The following KIF21B variants were observed in gnomAD, a reference collection of about 807,000 sequenced individuals.
KIF21B encodes kinesin-like protein KIF21B.
KIF21B carries 85 observed loss-of-function variants against 192.9 expected under a neutral mutation model. The ratio of observed to expected loss-of-function variants is 0.44; its 90% CI spans 0.37 to 0.53. The LOEUF (loss-of-function observed/expected upper bound fraction) is 0.53, where lower values mean the gene tolerates loss of function less well. Among genes scored for constraint, KIF21B ranks in the 20% least tolerant of loss-of-function variants. The pLI is 0.00. For synonymous variants in KIF21B, 832 were observed against 884.6 expected (o/e 0.94, Z 1.05); for missense variants, 1,716 against 2,194.8 (o/e 0.78, Z 4.36).
intron 3 of KIF21B, 30 bp from the exon 4 acceptor site, chr1:201,005,724 AG>A: frequency 6.2e-7 from 1 of 1,607,644 alleles, no homozygotes; most frequent in African/African-American, 1.3e-5. Context: ...CTGAATTCAT[AG>A]GGCATTCACT....
rs777129651 is a variant in KIF21B at position 200,998,472 on chromosome 1, G to C, written c.1989C>G (p.Leu663=). 18 of 1,613,936 alleles carry C rather than the reference G, an allele frequency of 1.1e-5. No individual in the cohort carries two copies. Among genetic ancestry groups the C allele is most frequent in the African/African-American group, 1.1e-4 (8 of 74,898 alleles). ...LENSQRRLQT[L]KHQYEEKLIL... ...TCAGCTTTTCCTCATACTGGTGCTT[G>C]AGCGTCTGCAACCGCCGCTGGCTGT... is the stretch of plus-strand genomic sequence containing the variant. The change falls in exon 14 of 35, where the codon CTC becomes CTG. Residue 663 remains leucine, a synonymous_variant. Transcript: ENST00000461742. This position sits in a 1 kb window ranked among gnomAD's most constrained non-coding sequence, Gnocchi z 4.3.
rs1655212697 is a variant in KIF21B, at chr1:200,971,530, G to A, written c.*1991C>T. 6.6e-6 allele frequency: 1 copy of A among 152,478 alleles called. No individual in the cohort carries two copies. Among genetic ancestry groups the A allele is most frequent in the Non-Finnish European group, 1.5e-5 (1 of 68,114 alleles). 9.4% of individuals were successfully genotyped at this position (152,478 alleles called of 1,614,324 possible). A position where few individuals can be genotyped will look rare whatever the true frequency, so the allele number is the denominator to read the frequency against. The stretch of plus-strand genomic sequence containing the variant: ...ACGGATTCTTTCTTACAGGTTGCAA[G>A]GTCAAAACTTTCTGTTCAGGTTGGC... On this transcript the variant is annotated 3_prime_UTR_variant, in exon 35 of 35. Coordinates refer to ENST00000461742, the MANE Select transcript of KIF21B (RefSeq NM_001252102.2).
At position 200,998,303 on chromosome 1, in the gene KIF21B, C is replaced by T; in HGVS notation, c.2077+81G>A. On this transcript the variant is annotated intron_variant, in intron 14 of 34. Coordinates refer to ENST00000461742, the MANE Select transcript of KIF21B (RefSeq NM_001252102.2). This position sits in a 1 kb window ranked among gnomAD's most constrained non-coding sequence, Gnocchi z 4.3. Reference sequence around the variant, plus strand: ...CTAGAAGGCCAGGATAACCCCAACACACCAGCTGCTTTTGACAGAGGAGGG... The same window carrying T: ...CTAGAAGGCCAGGATAACCCCAACATACCAGCTGCTTTTGACAGAGGAGGG... 1.4e-6 allele frequency: 2 copies of T among 1,402,502 alleles called. No individual in the cohort carries two copies. Among genetic ancestry groups the T allele is most frequent in the South Asian group, 1.3e-5 (1 of 78,700 alleles). 86.9% of individuals were successfully genotyped at this position (1,402,502 alleles called of 1,614,324 possible). A position where few individuals can be genotyped will look rare whatever the true frequency, so the allele number is the denominator to read the frequency against.
At position 200,999,921 on chromosome 1, in the gene KIF21B, C is replaced by T. The variant is rs1657364099; in HGVS notation, c.1729G>A (p.Glu577Lys). The T allele has an allele frequency of 1.9e-6, 3 of 1,614,046 alleles. No individual in the cohort carries two copies. Among genetic ancestry groups the T allele is most frequent in the East Asian group, 4.5e-5 (2 of 44,876 alleles). ...AFKKRAKLQQ[E>K]NSEETDENEA... Reference sequence around the variant, plus strand: ...TTCTCATCCGTCTCCTCGCTGTTCTCCTGTTGGAGTTTTGCCCTCTTTTTG... The same window carrying T: ...TTCTCATCCGTCTCCTCGCTGTTCTTCTGTTGGAGTTTTGCCCTCTTTTTG... The change falls in exon 12 of 35, where the codon GAG (glutamate) becomes AAG (lysine). Residue 577 changes from glutamate to lysine, a missense_variant. Glu to Lys is a moderately conservative substitution (Grantham distance 56). This residue lies in a region of KIF21B where 1,087 missense variants were observed against 1,316.6 expected (regional missense o/e 0.83). Transcript: ENST00000461742. The surrounding 1 kb of genome is among the most constrained non-coding windows in gnomAD (Gnocchi z 4.7).
In KIF21B at chr1:201,000,736, G is replaced by A. The variant is rs1657439399; in HGVS notation, c.1447C>T (p.Arg483Trp). 1.9e-6 allele frequency: 3 copies of A among 1,614,108 alleles called. No individual in the cohort carries two copies. Among genetic ancestry groups the A allele is most frequent in the Admixed American group, 1.7e-5 (1 of 60,016 alleles). Residue 483 changes from arginine to tryptophan, a missense_variant, in exon 10 of 35, where the codon CGG becomes TGG. By Grantham distance (101) the Arg-to-Trp change is moderately radical (BLOSUM62 -3). Around this residue, in one of 3 missense-constraint regions of KIF21B, gnomAD observed 1,087 missense variants for 1,316.6 expected, o/e 0.83. Coordinates refer to ENST00000461742, the MANE Select transcript of KIF21B (RefSeq NM_001252102.2). This position sits in a 1 kb window ranked among gnomAD's most constrained non-coding sequence, Gnocchi z 6.0. ...AIGALIQNYI[R>W]EIEELRTKLL... is the part of the protein sequence containing the mutation. ...ACTCACCGTAGCTCCTCGATCTCCCGGATGTAGTTCTGGATCAGCGCACCA... is the reference window on the plus strand; with the variant it reads ...ACTCACCGTAGCTCCTCGATCTCCCAGATGTAGTTCTGGATCAGCGCACCA...
intron 1 of KIF21B, among the ~76,000 whole-genome samples, chr1:201,014,870 C>T (rs1035594884): frequency 1.3e-5 from 2 of 152,238 alleles, no homozygotes; most frequent in African/African-American, 4.8e-5. Context: ...AAACAGCTAA[C>T]CAGAATCCAA....
Position 201,003,691 on chromosome 1 carries a change from G to A in KIF21B, c.1107C>T (p.Asn369=). ...GGTTCACTACCACCTTGTTCTTGAT[G>A]TTGCGGGCCCGATTGGCATATTTGA... ...NTLKYANRAR[N]IKNKVVVNQD... is the part of the protein sequence containing the mutation. Residue 369 remains asparagine (N), a synonymous_variant, in exon 8 of 35, where the codon AAC becomes AAT. Transcript: ENST00000461742. The A allele has an allele frequency of 6.2e-7, 1 of 1,614,210 alleles. No homozygotes were observed. Among genetic ancestry groups the A allele is most frequent in the Non-Finnish European group, 8.5e-7 (1 of 1,180,032 alleles).
intron 3 of KIF21B, among the ~76,000 whole-genome samples, chr1:201,008,177 C>A (rs1658022660): frequency 6.6e-6 from 1 of 152,190 alleles, no homozygotes; most frequent in Non-Finnish European, 1.5e-5. Flanking sequence ...AGCACAGAGA[C>A]CCCCTGCTCC....
chr1:200,993,422 A>C (rs1052427475), intron 15 of KIF21B, among the ~76,000 whole-genome samples: 4 of 152,160 alleles, frequency 2.6e-5, no homozygotes, highest in Admixed American at 2.6e-4. Flanking sequence ...GAATGTCATC[A>C]ACCTGTCCTG....
chr1:201,005,007 T>C, intron 5 of KIF21B, 74 bp from the exon 6 acceptor site: 8 of 1,508,448 alleles, frequency 5.3e-6, no homozygotes, highest in African/African-American at 1.4e-5. Flanking sequence ...AGTACTGCCA[T>C]CCGGGAGAGG....
Position 201,000,684 on chromosome 1 carries a change from C to A in KIF21B, c.1466+33G>T. 1 of 1,613,930 alleles carries A rather than the reference C, an allele frequency of 6.2e-7. No individual in the cohort carries two copies. Among genetic ancestry groups the A allele is most frequent in the South Asian group, 1.1e-5 (1 of 91,084 alleles). ...GGCGTCACCTGGCCGAGGCCCCCAG[C>A]CCGCGCACACCTGCCGGAGCTCACT... On this transcript the variant is annotated intron_variant, in intron 10 of 34. Coordinates refer to ENST00000461742, the MANE Select transcript of KIF21B (RefSeq NM_001252102.2). The surrounding 1 kb of genome is among the most constrained non-coding windows in gnomAD (Gnocchi z 6.0).
chr1:201,003,631 C>CCGCAGTG lies in KIF21B; in HGVS notation c.1160_1166dup (p.Ala390ThrfsTer4). On this transcript the variant is annotated frameshift_variant, in exon 8 of 35. Coordinates refer to ENST00000461742, the MANE Select transcript of KIF21B (RefSeq NM_001252102.2). LOFTEE classifies it high-confidence loss of function. ...CCATCTGCAGCCGAGCAATCTCAGCCCGCAGTGCACTGATTTGCTGGCTGG... is the reference window on the plus strand; with the variant it reads ...CCATCTGCAGCCGAGCAATCTCAGCCCGCAGTGCGCAGTGCACTGATTTGCTGGCTGG... 6.2e-7 allele frequency: 1 copy of CCGCAGTG among 1,614,184 alleles called. No homozygotes were observed. Among genetic ancestry groups the CCGCAGTG allele is most frequent in the Non-Finnish European group, 8.5e-7 (1 of 1,180,042 alleles).
rs544069907 is a variant in KIF21B, at chr1:200,981,071, C to G, written c.3868G>C (p.Ala1290Pro). ...LRGIISPVGG[A>P]KGARTAPLQC... ...AGTGGGGCCGTCCGTGCACCCTTGG[C>G]TCCTCCAACCGGGGAGATGATGCCC... The change falls in exon 29 of 35, where the codon GCC (alanine) becomes CCC (proline). Residue 1290 changes from alanine to proline, a missense_variant. Ala to Pro is a conservative substitution (Grantham distance 27). Transcript: ENST00000461742. 3 of 1,597,272 alleles carry G rather than the reference C, an allele frequency of 1.9e-6. No homozygotes were observed. Among genetic ancestry groups the G allele is most frequent in the African/African-American group, 2.7e-5 (2 of 74,052 alleles).
intron 3 of KIF21B, among the ~76,000 whole-genome samples, chr1:201,006,750 T>C (rs906507925): frequency 2.0e-5 from 3 of 152,000 alleles, no homozygotes; most frequent in Non-Finnish European, 2.9e-5. Context: ...GAGAAGCTTA[T>C]TGAGATCACA....
rs1251525474 is a variant in KIF21B, at chr1:200,992,389, C to T, written c.2278G>A (p.Val760Met). 1 of 1,612,522 alleles carries T rather than the reference C, an allele frequency of 6.2e-7. No individual in the cohort carries two copies. Among genetic ancestry groups the T allele is most frequent in the Non-Finnish European group, 8.5e-7 (1 of 1,180,024 alleles). Reference sequence around the variant, plus strand: ...TCACGCATCTGCTTCATCAGGGCCACCTGGGATGGGCAGAGATTATGGTGG... The same window carrying T: ...TCACGCATCTGCTTCATCAGGGCCATCTGGGATGGGCAGAGATTATGGTGG... ...AEVAEMKKAK[V>M]ALMKQMREEQ... The change falls in exon 16 of 35, where the codon GTG (valine) becomes ATG (methionine). Residue 760 changes from valine (V) to methionine (M), a missense_variant and splice_region_variant. Val to Met is a conservative substitution (Grantham distance 21). Around this residue, in one of 3 missense-constraint regions of KIF21B, gnomAD observed 1,087 missense variants for 1,316.6 expected, o/e 0.83. Coordinates refer to ENST00000461742, the MANE Select transcript of KIF21B (RefSeq NM_001252102.2).
At chr1:200,979,372 C>T (rs1349021323) in intron 30 of KIF21B, among the ~76,000 whole-genome samples, 163 bp downstream of exon 30, 1 of 152,214 alleles carries the variant, frequency 6.6e-6, no homozygotes, top group African/African-American at 2.4e-5. Context: ...CAAGAGATCT[C>T]ACCTTGTACC....
chr1:201,007,147 C>T (rs28367195), intron 3 of KIF21B, among the ~76,000 whole-genome samples: 1 of 148,762 alleles, frequency 6.7e-6, no homozygotes, highest in South Asian at 2.2e-4. Context: ...CAGAGATACA[C>T]AGACACGGAC....
rs148620450 is a variant in KIF21B at position 200,989,842 on chromosome 1, G to A, written c.3132+100C>T. Reference sequence around the variant, plus strand: ...CGGCTTGTCCTAGCCTGTGAGTGACGCAGGTGAGGAGGCGCCAGGCCCCTG... The same window carrying A: ...CGGCTTGTCCTAGCCTGTGAGTGACACAGGTGAGGAGGCGCCAGGCCCCTG... On this transcript the variant is annotated intron_variant, in intron 21 of 34. Coordinates refer to ENST00000461742, the MANE Select transcript of KIF21B (RefSeq NM_001252102.2). The A allele has an allele frequency of 7.7e-3, 6,734 of 869,816 alleles. 84 individuals are homozygous for A. Among genetic ancestry groups the A allele is most frequent in the South Asian group, 0.028 (1,781 of 64,694 alleles). The allele number at this position is 869,816 out of a possible 1,614,324, so 53.9% of individuals were successfully genotyped here. A position where few individuals can be genotyped will look rare whatever the true frequency, so the allele number is the denominator to read the frequency against.
chr1:201,002,264 G>A lies in KIF21B; in HGVS notation c.1299C>T (p.Ala433=), dbSNP rs1455588128. ...ENAMLQKENG[A]LRLRVKAMQE... ...GCATGGCTTTCACCCGCAGCCGCAG[G>A]GCCCCATTCTCCTTCTGTAGCATGG... Residue 433 remains alanine, a synonymous_variant, in exon 9 of 35, where the codon GCC becomes GCT. Transcript: ENST00000461742. The A allele has an allele frequency of 6.2e-7, 1 of 1,614,148 alleles. No individual in the cohort carries two copies.
Sources: gnomAD v4.1 joint callset for allele counts (sites outside exome capture counted in the v4.1 genomes callset) on GRCh38, gnomAD v4.1.1 for gene constraint, gnomAD v4.1.1 regional missense constraint, Gnocchi (gnomAD v3.1) non-coding constraint, MANE v1.5 for transcripts, NCBI Gene and HGNC (gene_info 2026-07-23, HGNC 2026-07-21) for gene names.